POC1A: variants seen among roughly 807,000 people sequenced by gnomAD.
The protein encoded by POC1A is POC1 centriolar protein homolog A.
A neutral mutation model predicts 47.8 loss-of-function variants in POC1A; 34 were observed. The observed-to-expected ratio is 0.71, with a 90% CI of 0.54 to 0.95. POC1A has a LOEUF of 0.95. Among genes scored for constraint, POC1A ranks in the 40% least tolerant of loss-of-function variants. The pLI is 0.00. For synonymous variants in POC1A, 177 were observed against 207.6 expected (o/e 0.85, Z 1.27); for missense variants, 466 against 528.3 (o/e 0.88, Z 1.16).
chr3:52,106,305 C>A (rs1382679629), intron 9 of POC1A, among the ~76,000 whole-genome samples: 1 of 152,082 alleles, frequency 6.6e-6, no homozygotes, highest in East Asian at 1.9e-4. Context: ...GGCCTCAGAG[C>A]CACCCCTTGA....
intron 7 of POC1A, among the ~76,000 whole-genome samples, chr3:52,132,852 C>A (rs1704276816): frequency 2.6e-5 from 4 of 152,106 alleles, no homozygotes; most frequent in Admixed American, 2.6e-4. Context: ...CGAGACCAGC[C>A]TGGCCAACAT....
At position 52,075,981 on chromosome 3, in the gene POC1A, ACTGT is replaced by A; in HGVS notation, c.1126_1129del (p.Thr376SerfsTer8). ...TGTCAACCGCTGCTCCAGAATGGAG[ACTGT>A]CTGCAAAATAAACAGTGGTTGGGTC... On this transcript the variant is annotated frameshift_variant and splice_region_variant, in exon 11 of 11. Transcript: ENST00000296484. LOFTEE classifies it high-confidence loss of function. The A allele has an allele frequency of 6.2e-7, 1 of 1,612,630 alleles. No individual in the cohort carries two copies.
At chr3:52,150,352 C>G (rs1431181187) in intron 2 of POC1A, among the ~76,000 whole-genome samples, 1 of 152,192 alleles carries the variant, frequency 6.6e-6, no homozygotes, top group Non-Finnish European at 1.5e-5. Flanking sequence ...GGAAGCCAGC[C>G]CCTCCCATTG....
intron 9 of POC1A, among the ~76,000 whole-genome samples, chr3:52,109,024 C>A (rs920096777): frequency 5.3e-5 from 8 of 152,140 alleles, no homozygotes; most frequent in Non-Finnish European, 1.0e-4. Context: ...GTGGTGTGAG[C>A]CCAGACGCGC....
intron 9 of POC1A, among the ~76,000 whole-genome samples, chr3:52,109,540 G>C (rs2107033205): frequency 1.3e-5 from 2 of 152,074 alleles, no homozygotes; most frequent in Admixed American, 1.3e-4. Context: ...CTGCGGAGCT[G>C]ATCCAAGGCA....
intron 7 of POC1A, among the ~76,000 whole-genome samples, chr3:52,135,163 G>GA (rs1251244518): frequency 6.6e-6 from 1 of 152,188 alleles, no homozygotes; most frequent in Non-Finnish European, 1.5e-5. Context: ...CATCAGTAAT[G>GA]AACATCCTCG....
chr3:52,102,430 A>G (rs1352705435), intron 9 of POC1A, among the ~76,000 whole-genome samples: 2 of 152,168 alleles, frequency 1.3e-5, no homozygotes, highest in African/African-American at 2.4e-5. Context: ...TTATGGCTAC[A>G]TAACTCCAAT....
At chr3:52,129,947 C>T (rs1048776254) in intron 7 of POC1A, among the ~76,000 whole-genome samples, 23 of 152,132 alleles carry the variant, frequency 1.5e-4, no homozygotes, top group Non-Finnish European at 1.5e-5. Context: ...TAAGGCAAAA[C>T]AAGGGAGCCC....
rs1181592699 is a variant in POC1A at position 52,079,419 on chromosome 3, AGC to A, written c.1126-3436_1126-3435del. Among the ~76,000 whole-genome samples, 1 of 152,212 alleles carries A rather than the reference AGC, an allele frequency of 6.6e-6. No individual in the cohort carries two copies. Among genetic ancestry groups the A allele is most frequent in the African/African-American group, 2.4e-5 (1 of 41,468 alleles). On this transcript the variant is annotated intron_variant, in intron 10 of 10. Transcript: ENST00000296484. The surrounding 1 kb of genome is among the most constrained non-coding windows in gnomAD (Gnocchi z 4.6). ...ACACCTGCCCTGGAGGGTGAGGAGGAGCGCTCTGCAGGCAAATACCTCTGCGG... is the reference window on the plus strand; with the variant it reads ...ACACCTGCCCTGGAGGGTGAGGAGGAGCTCTGCAGGCAAATACCTCTGCGG...
At chr3:52,077,278 C>T (rs1702146650) in intron 10 of POC1A, among the ~76,000 whole-genome samples, 1 of 152,200 alleles carries the variant, frequency 6.6e-6, no homozygotes. Flanking sequence ...CCCTGGGGCT[C>T]CATGAAGTCC....
intron 9 of POC1A, among the ~76,000 whole-genome samples, chr3:52,119,584 C>T (rs1160114902): frequency 1.3e-5 from 2 of 151,914 alleles, no homozygotes; most frequent in Non-Finnish European, 2.9e-5. Flanking sequence ...TTTGTAGAGA[C>T]GAGATCTTGC....
chr3:52,094,079 T>G (rs1310442114), intron 10 of POC1A, among the ~76,000 whole-genome samples: 1 of 152,172 alleles, frequency 6.6e-6, no homozygotes, highest in Non-Finnish European at 1.5e-5. Context: ...TGAAGTAGAC[T>G]TCCCTGTGGG....
intron 10 of POC1A, among the ~76,000 whole-genome samples, chr3:52,088,547 G>A (rs1174688042): frequency 6.6e-6 from 1 of 152,128 alleles, no homozygotes; most frequent in Admixed American, 6.5e-5. Flanking sequence ...GCCCTGCTGT[G>A]GTGGTGCCTC....
intron 10 of POC1A, among the ~76,000 whole-genome samples, chr3:52,076,304 C>A (rs920693604): frequency 6.6e-6 from 1 of 152,240 alleles, no homozygotes; most frequent in Non-Finnish European, 1.5e-5. Context: ...AGGAACCCCC[C>A]ACCCTGGTGG....
At chr3:52,097,208 A>G (rs528307227) in intron 9 of POC1A, among the ~76,000 whole-genome samples, 25 of 152,370 alleles carry the variant, frequency 1.6e-4, no homozygotes, top group African/African-American at 5.8e-4. Flanking sequence ...CCCAGGCCCA[A>G]GAAGCTGTGG....
Position 52,090,668 on chromosome 3 carries a change from C to T in POC1A, c.1125+5901G>A, listed in dbSNP as rs980703291. Among the ~76,000 whole-genome samples the T allele has an allele frequency of 3.3e-5, 5 of 152,044 alleles. No individual in the cohort carries two copies. Among genetic ancestry groups the T allele is most frequent in the Non-Finnish European group, 5.9e-5 (4 of 68,008 alleles). ...CTCCCTGCTCACTGGAGAAGTTTTC[C>T]GGCATCTGTGAAAAAGACCCCTAGA... On this transcript the variant is annotated intron_variant, in intron 10 of 10. Transcript: ENST00000296484. This position sits in a 1 kb window ranked among gnomAD's most constrained non-coding sequence, Gnocchi z 4.2.
chr3:52,093,753 C>A (rs951500562), intron 10 of POC1A, among the ~76,000 whole-genome samples: 1 of 152,172 alleles, frequency 6.6e-6, no homozygotes, highest in Non-Finnish European at 1.5e-5. Context: ...ACAGAGGAGC[C>A]GCTGAAGGGG....
intron 9 of POC1A, among the ~76,000 whole-genome samples, chr3:52,102,150 G>A (rs996242802): frequency 6.6e-6 from 1 of 151,990 alleles, no homozygotes; most frequent in Non-Finnish European, 1.5e-5. Flanking sequence ...GAGCTTCTTG[G>A]AACTATGGTT....
intron 9 of POC1A, among the ~76,000 whole-genome samples, chr3:52,110,823 G>T (rs932388743): frequency 3.9e-5 from 6 of 152,218 alleles, no homozygotes; most frequent in African/African-American, 1.4e-4. Context: ...CTGTGACTCA[G>T]GTTCATTTCC....
Sources: gnomAD v4.1 joint callset for allele counts (sites outside exome capture counted in the v4.1 genomes callset) on GRCh38, gnomAD v4.1.1 for gene constraint, Gnocchi (gnomAD v3.1) non-coding constraint, MANE v1.5 for transcripts, NCBI Gene and HGNC (gene_info 2026-07-23, HGNC 2026-07-21) for gene names.